Variants in ATF7 observed in about 807,000 individuals in gnomAD.
ATF7 encodes the protein cyclic AMP-dependent transcription factor ATF-7.
In ATF7, 10 loss-of-function variants were observed where a neutral mutation model predicts 50.4. The ratio of observed to expected loss-of-function variants is 0.20; its 90% CI spans 0.12 to 0.34. The LOEUF is 0.34. Among genes scored for constraint, ATF7 ranks in the 10% least tolerant of loss-of-function variants. The pLI is 1.00. For missense variants in ATF7, 465 were observed against 613.9 expected (o/e 0.76, Z 2.56); for synonymous variants, 201 against 226.4 (o/e 0.89, Z 1.01).
At chr12:53,624,592 T>C (rs556791205) in intron 1 of ATF7, among the ~76,000 whole-genome samples, 9 of 152,234 alleles carry the variant, frequency 5.9e-5, no homozygotes, top group Non-Finnish European at 1.3e-4. Flanking sequence ...TGCAAACTTT[T>C]CTTTAGCTTC....
chr12:53,572,616 T>C (rs1157482191), intron 2 of ATF7, among the ~76,000 whole-genome samples: 1 of 152,098 alleles, frequency 6.6e-6, no homozygotes, highest in Non-Finnish European at 1.5e-5. Flanking sequence ...TCACTTTCCA[T>C]GGTTTCAGTT....
chr12:53,560,527 C>T (rs1941039899), intron 2 of ATF7, among the ~76,000 whole-genome samples: 1 of 152,182 alleles, frequency 6.6e-6, no homozygotes, highest in Non-Finnish European at 1.5e-5. Flanking sequence ...CTTGGTAAAG[C>T]ATTGTGACCA....
intron 3 of ATF7, chr12:53,544,038 A>C (rs569705441): frequency 3.3e-5 from 5 of 152,770 alleles, no homozygotes; most frequent in Admixed American, 2.0e-4. Flanking sequence ...CTGAGGAGTA[A>C]GACAGCAAGA....
intron 4 of ATF7, among the ~76,000 whole-genome samples, chr12:53,538,094 A>G (rs1057280311): frequency 2.0e-5 from 3 of 152,156 alleles, no homozygotes; most frequent in Non-Finnish European, 2.9e-5. Context: ...TGTTTCCCCA[A>G]CTATAAGATG....
At chr12:53,529,145 C>A (rs1938685696) in intron 9 of ATF7, among the ~76,000 whole-genome samples, 1 of 152,166 alleles carries the variant, frequency 6.6e-6, no homozygotes, top group African/African-American at 2.4e-5. Flanking sequence ...GCTTCAGGTA[C>A]AGTAACTCAT....
intron 11 of ATF7, 72 bp downstream of exon 11, chr12:53,523,204 A>G (rs760737051): frequency 3.6e-6 from 4 of 1,124,814 alleles, no homozygotes; most frequent in Non-Finnish European, 5.4e-6. Context: ...TTATAAAATT[A>G]TAAGCAGTTG....
rs765263022 is a variant in ATF7, at chr12:53,543,456, C to A, written c.146-8G>T. 24 of 1,568,668 alleles carry A rather than the reference C, an allele frequency of 1.5e-5. No individual in the cohort carries two copies. In the East Asian group the frequency reaches 5.3e-4, roughly 34 times the overall value. ...TTGGAGTAGGCGTTTGATCTGTAGA[C>A]ATGAAAGAAAAGGAAACTGTTTTAG... On this transcript the variant is annotated splice_polypyrimidine_tract_variant and splice_region_variant and intron_variant, in intron 3 of 11. Transcript: ENST00000420353.
At chr12:53,556,502 G>T (rs1940761911) in intron 2 of ATF7, among the ~76,000 whole-genome samples, 1 of 152,156 alleles carries the variant, frequency 6.6e-6, no homozygotes, top group Non-Finnish European at 1.5e-5. Flanking sequence ...GCCAGGCCAG[G>T]TGCAGAATGG....
At chr12:53,535,556 T>TTTGATCCA (rs1386895402) in intron 5 of ATF7, among the ~76,000 whole-genome samples, 53 of 152,172 alleles carry the variant, frequency 3.5e-4, no homozygotes, top group Non-Finnish European at 8.8e-5. Context: ...TTGATCTAGG[T>TTTGATCCA]GCTGGTTATA....
At chr12:53,511,846 G>T (rs1425176102), downstream of ATF7, among the ~76,000 whole-genome samples, 1 of 152,202 alleles carries the variant, frequency 6.6e-6, no homozygotes, top group Admixed American at 6.5e-5. Context: ...TCTGCCCTGG[G>T]CCTTCTGTCA....
In ATF7 at chr12:53,512,667, G is replaced by A. The variant is rs1402391752; in HGVS notation, c.*4470C>T. On this transcript the variant is annotated 3_prime_UTR_variant, in exon 12 of 12. Transcript: ENST00000420353. ...GGGAATATGGGACAACTCCTGTCCA[G>A]ACCAATGCATGGTTTTAGGGATACG... The A allele has an allele frequency of 6.6e-6, 1 of 152,200 alleles. No individual in the cohort carries two copies. Among genetic ancestry groups the A allele is most frequent in the Non-Finnish European group, 1.5e-5 (1 of 68,038 alleles). The allele number at this position is 152,200 out of a possible 1,614,324, so 9.4% of individuals were successfully genotyped here.
intron 1 of ATF7, among the ~76,000 whole-genome samples, chr12:53,602,505 A>C (rs1237009306): frequency 1.3e-5 from 2 of 152,182 alleles, no homozygotes; most frequent in African/African-American, 4.8e-5. Flanking sequence ...CGGTGTTTAA[A>C]ATTGTGGGGT....
chr12:53,564,710 C>T (rs1186218476), intron 2 of ATF7, among the ~76,000 whole-genome samples: 1 of 152,220 alleles, frequency 6.6e-6, no homozygotes, highest in Non-Finnish European at 1.5e-5. Context: ...CCATAGTCAA[C>T]ACTGAGTTGT....
At chr12:53,620,659 G>T (rs1185954390) in intron 1 of ATF7, among the ~76,000 whole-genome samples, 2 of 151,636 alleles carry the variant, frequency 1.3e-5, no homozygotes, top group Non-Finnish European at 2.9e-5. Context: ...GGGAAGCTAA[G>T]GCCTGAGAAT....
At chr12:53,616,695 C>T (rs893604632) in intron 1 of ATF7, among the ~76,000 whole-genome samples, 2 of 151,976 alleles carry the variant, frequency 1.3e-5, no homozygotes, top group Non-Finnish European at 2.9e-5. Context: ...GTAATCCCAG[C>T]ACTTTGGAAG....
intron 1 of ATF7, among the ~76,000 whole-genome samples, chr12:53,611,188 A>C (rs1312815616): frequency 2.6e-5 from 4 of 152,144 alleles, no homozygotes; most frequent in Non-Finnish European, 1.5e-5. Context: ...TTCATTATCC[A>C]GGCTGGGTGT....
chr12:53,572,206 A>G (rs1408280943), intron 2 of ATF7, among the ~76,000 whole-genome samples: 3 of 152,236 alleles, frequency 2.0e-5, no homozygotes, highest in African/African-American at 7.2e-5. Flanking sequence ...CTCTATCCTA[A>G]CAACAAATAA....
rs569132855 is a variant in ATF7, at chr12:53,605,023, A to G, written c.-21-4002T>C. 2.6e-5 allele frequency among the ~76,000 whole-genome samples: 4 copies of G among 152,312 alleles called. No individual in the cohort carries two copies. The East Asian group carries it at 5.8e-4, about 22-fold the overall frequency. ...TACATATCATTTAGACGCTATGTATATGGTCATTTATCAAATTATTTTGCT... is the reference window on the plus strand; with the variant it reads ...TACATATCATTTAGACGCTATGTATGTGGTCATTTATCAAATTATTTTGCT... On this transcript the variant is annotated intron_variant, in intron 1 of 11. Coordinates refer to ENST00000420353, the MANE Select transcript of ATF7 (RefSeq NM_006856.3).
chr12:53,521,149 C>G (rs1324765124), intron 11 of ATF7, among the ~76,000 whole-genome samples: 1 of 152,132 alleles, frequency 6.6e-6, no homozygotes, highest in Admixed American at 6.5e-5. Flanking sequence ...CATGCCACCA[C>G]GCCCAGCTAA....
Sources: allele counts gnomAD v4.1 joint callset (sites outside exome capture counted in the v4.1 genomes callset), GRCh38; gene constraint gnomAD v4.1.1; transcripts MANE v1.5; gene names NCBI Gene and HGNC (gene_info 2026-07-23, HGNC 2026-07-21).